Variants in PAPOLA observed in about 807,000 individuals in gnomAD.
PAPOLA encodes polynucleotide adenylyltransferase alpha.
Under a neutral mutation model 100.6 loss-of-function variants are expected in PAPOLA, and 15 were observed. That is an observed-to-expected ratio of 0.15 (90% CI 0.10 to 0.23). The LOEUF is 0.23. Ranked by LOEUF, PAPOLA falls within the 10% of genes least tolerant of loss-of-function variation. The pLI is 1.00. For synonymous variants in PAPOLA, 293 were observed against 300.0 expected (o/e 0.98, Z 0.24); for missense variants, 533 against 884.2 (o/e 0.60, Z 5.04).
chr14:96,507,280 GTTTTTTT>G lies in PAPOLA; in HGVS notation c.8+4699_8+4705del, dbSNP rs71103533. 1.0e-3 allele frequency among the ~76,000 whole-genome samples: 82 copies of G among 80,702 alleles called. No homozygotes were observed. The South Asian group carries it at 0.022, about 22-fold the overall frequency. The allele number at this position is 80,702 out of a possible 152,430, so 52.9% of individuals were successfully genotyped here. On this transcript the variant is annotated intron_variant, in intron 1 of 21. Transcript: ENST00000216277. ...ACTAAATTTTTTGTTTTGGAAAATAGTTTTTTTTTTTTTTTTTTTTTTTTTGAGACGG... is the reference window on the plus strand; with the variant it reads ...ACTAAATTTTTTGTTTTGGAAAATAGTTTTTTTTTTTTTTTTTTGAGACGG...
intron 10 of PAPOLA, 125 bp downstream of exon 10, chr14:96,534,688 C>A: frequency 6.6e-7 from 1 of 1,514,482 alleles, no homozygotes; most frequent in Non-Finnish European, 8.8e-7. Context: ...ATTACACTTT[C>A]TTTTAGATAA....
rs1162808637 is a variant in PAPOLA, at chr14:96,565,891, T to A, written c.*841T>A. ...CTGTTTTCTTCCTTTTTCTTTTTGC[T>A]TGTATGCACAAGGTAGGACTTACTT... On this transcript the variant is annotated 3_prime_UTR_variant, in exon 22 of 22. Transcript: ENST00000216277. 1 of 398,690 alleles carries A rather than the reference T, an allele frequency of 2.5e-6. No homozygotes were observed. The highest frequency in any genetic ancestry group is 4.4e-5 in the Admixed American group (1 of 22,720). 24.7% of individuals were successfully genotyped at this position (398,690 alleles called of 1,614,324 possible).
At chr14:96,535,009 G>T in intron 10 of PAPOLA, 2 of 976,686 alleles carry the variant, frequency 2.0e-6, no homozygotes, top group Non-Finnish European at 2.4e-6. Flanking sequence ...TAATTACCAT[G>T]ATGTAATTGT....
rs1901352308 is a variant in PAPOLA at position 96,556,544 on chromosome 14, G to A, written c.2004+131G>A. ...ACAAAGCTTTTAGAAAATTTTAGGT[G>A]TGTCTGTAGTGCTTTAGTGCTGTAG... On this transcript the variant is annotated intron_variant, in intron 19 of 21. Transcript: ENST00000216277. The A allele has an allele frequency of 2.8e-5, 19 of 689,602 alleles. No homozygotes were observed. The South Asian group carries it at 3.4e-4, about 12-fold the overall frequency. The allele number at this position is 689,602 out of a possible 1,614,324, so 42.7% of individuals were successfully genotyped here.
At position 96,565,669 on chromosome 14, in the gene PAPOLA, A is replaced by G; in HGVS notation, c.*619A>G. The G allele has an allele frequency of 5.0e-6, 2 of 397,418 alleles. No homozygotes were observed. The highest frequency in any genetic ancestry group is 8.9e-6 in the Non-Finnish European group (2 of 225,190). 24.6% of individuals were successfully genotyped at this position (397,418 alleles called of 1,614,324 possible). A position where few individuals can be genotyped will look rare whatever the true frequency, so the allele number is the denominator to read the frequency against. On this transcript the variant is annotated 3_prime_UTR_variant, in exon 22 of 22. Coordinates refer to ENST00000216277, the MANE Select transcript of PAPOLA (RefSeq NM_032632.5). ...GACATTGAAAGAATAGTTAGGAAAT[A>G]ACTTGGTTTTGATAGGGTCATGATT...
chr14:96,559,571 C>CTATATA (rs1223139741), intron 19 of PAPOLA, among the ~76,000 whole-genome samples: 2 of 115,632 alleles, frequency 1.7e-5, no homozygotes, highest in African/African-American at 4.0e-5. Flanking sequence ...CTCTCTCTCT[C>CTATATA]TCTCTCTCTC....
rs544795753 is a variant in PAPOLA at position 96,565,893 on chromosome 14, G to A, written c.*843G>A. 2.5e-6 allele frequency: 1 copy of A among 398,438 alleles called. No homozygotes were observed. The highest frequency in any genetic ancestry group is 4.4e-5 in the Admixed American group (1 of 22,708). 24.7% of individuals were successfully genotyped at this position (398,438 alleles called of 1,614,324 possible). A position where few individuals can be genotyped will look rare whatever the true frequency, so the allele number is the denominator to read the frequency against. On this transcript the variant is annotated 3_prime_UTR_variant, in exon 22 of 22. Coordinates refer to ENST00000216277, the MANE Select transcript of PAPOLA (RefSeq NM_032632.5). Reference sequence around the variant, plus strand: ...GTTTTCTTCCTTTTTCTTTTTGCTTGTATGCACAAGGTAGGACTTACTTCG... The same window carrying A: ...GTTTTCTTCCTTTTTCTTTTTGCTTATATGCACAAGGTAGGACTTACTTCG...
chr14:96,519,145 C>T (rs1034715353), intron 1 of PAPOLA, among the ~76,000 whole-genome samples: 4 of 150,800 alleles, frequency 2.7e-5, no homozygotes, highest in African/African-American at 9.8e-5. Flanking sequence ...TCCAGGCTGG[C>T]CTCAACTCCT....
At chr14:96,514,508 A>G (rs1373008767) in intron 1 of PAPOLA, among the ~76,000 whole-genome samples, 1 of 152,208 alleles carries the variant, frequency 6.6e-6, no homozygotes, top group Non-Finnish European at 1.5e-5. Flanking sequence ...TAACTACTGT[A>G]CCAAGGTGGT....
At chr14:96,525,655 G>A (rs2140269244) in intron 4 of PAPOLA, among the ~76,000 whole-genome samples, 1 of 152,302 alleles carries the variant, frequency 6.6e-6, no homozygotes, top group Non-Finnish European at 1.5e-5. Context: ...GGAGGCCGAG[G>A]CAGGTGGATT....
rs1057241859 is a variant in PAPOLA, at chr14:96,562,844, C to G, written c.2093C>G (p.Thr698Arg). Reference sequence around the variant, plus strand: ...GAACAACTTGATACAGAGACAAGTACAACTCAATCAGAAACTATTCAGACA... The same window carrying G: ...GAACAACTTGATACAGAGACAAGTAGAACTCAATCAGAAACTATTCAGACA... Reference protein sequence around the residue: ...AKEQLDTETSTTQSETIQTAA... With the variant: ...AKEQLDTETSRTQSETIQTAA... Residue 698 changes from threonine to arginine, a missense_variant, in exon 21 of 22, where the codon ACA becomes AGA. Around this residue, in one of 9 missense-constraint regions of PAPOLA, gnomAD observed 242 missense variants for 281.0 expected, o/e 0.86. Coordinates refer to ENST00000216277, the MANE Select transcript of PAPOLA (RefSeq NM_032632.5). 3 of 1,611,636 alleles carry G rather than the reference C, an allele frequency of 1.9e-6. No homozygotes were observed. Among genetic ancestry groups the G allele is most frequent in the Non-Finnish European group, 2.5e-6 (3 of 1,178,174 alleles).
At chr14:96,549,223 T>TA (rs959702277) in intron 16 of PAPOLA, among the ~76,000 whole-genome samples, 94 of 152,184 alleles carry the variant, frequency 6.2e-4, no homozygotes, top group African/African-American at 2.2e-3. Context: ...AATCAGTTTT[T>TA]AAGGTTTAAA....
chr14:96,564,917 G>A (rs1902157002), intron 21 of PAPOLA, 38 bp from the exon 22 acceptor site: 5 of 1,025,448 alleles, frequency 4.9e-6, no homozygotes, highest in Non-Finnish European at 7.8e-6. Flanking sequence ...AAATTATGGT[G>A]CTTTGAACAA....
At position 96,560,629 on chromosome 14, in the gene PAPOLA, G is replaced by C. The variant is rs748161589; in HGVS notation, c.2005-20G>C. On this transcript the variant is annotated intron_variant, in intron 19 of 21. Coordinates refer to ENST00000216277, the MANE Select transcript of PAPOLA (RefSeq NM_032632.5). ...TAAATTTTTCATTTTAGAGAATAAA[G>C]CTTTTTTTTTTAAAAACAGGATGAA... 2.6e-6 allele frequency: 4 copies of C among 1,547,790 alleles called. No individual in the cohort carries two copies. Among genetic ancestry groups the C allele is most frequent in the Non-Finnish European group, 2.7e-6 (3 of 1,126,720 alleles).
At chr14:96,551,876 C>A (rs183939264) in intron 16 of PAPOLA, among the ~76,000 whole-genome samples, 1 of 152,240 alleles carries the variant, frequency 6.6e-6, no homozygotes, top group African/African-American at 2.4e-5. Flanking sequence ...TTTCTTTTCA[C>A]AGGATAATTT....
chr14:96,507,522 G>A (rs1468726053), intron 1 of PAPOLA, among the ~76,000 whole-genome samples: 2 of 152,062 alleles, frequency 1.3e-5, no homozygotes, highest in Admixed American at 6.5e-5. Flanking sequence ...TGATCCGCCT[G>A]CCTCGGCCTC....
At chr14:96,523,816 G>A (rs538663747) in intron 3 of PAPOLA, among the ~76,000 whole-genome samples, 2 of 152,010 alleles carry the variant, frequency 1.3e-5, no homozygotes, top group Admixed American at 6.5e-5. Flanking sequence ...GGTAGTGCGC[G>A]CCTGTAATCC....
intron 1 of PAPOLA, chr14:96,504,267 A>G (rs1896555286): frequency 6.6e-6 from 1 of 152,244 alleles, no homozygotes; most frequent in Admixed American, 6.5e-5. Context: ...AAATAACATT[A>G]AGTAATTTGT....
At chr14:96,515,878 G>A (rs1281436097) in intron 1 of PAPOLA, among the ~76,000 whole-genome samples, 1 of 152,218 alleles carries the variant, frequency 6.6e-6, no homozygotes, top group African/African-American at 2.4e-5. Flanking sequence ...AGAATGGGCA[G>A]ATGTCTAGTG....
Sources: allele counts gnomAD v4.1 joint callset (sites outside exome capture counted in the v4.1 genomes callset), GRCh38; gene constraint gnomAD v4.1.1; regional missense constraint gnomAD v4.1.1; transcripts MANE v1.5; gene names NCBI Gene and HGNC (gene_info 2026-07-23, HGNC 2026-07-21).